SGCZ: variants seen among roughly 807,000 people sequenced by gnomAD.
SGCZ encodes the protein sarcoglycan zeta.
Under a neutral mutation model 41.3 loss-of-function variants are expected in SGCZ, and 40 were observed. The observed-to-expected ratio is 0.97, with a 90% CI of 0.75 to 1.26. The LOEUF (loss-of-function observed/expected upper bound fraction) is 1.26. Ranked by LOEUF, SGCZ falls within the 50% of genes most tolerant of loss-of-function variation. The pLI is 0.00. For missense variants in SGCZ, 552 were observed against 369.8 expected, an observed-to-expected ratio of 1.49 and a Z score of -4.04; for synonymous variants, 206 against 137.5, an observed-to-expected ratio of 1.50 and a Z score of -3.49.
At chr8:14,344,846 T>A (rs1407295214) in intron 2 of SGCZ, among the ~76,000 whole-genome samples, 1 of 152,072 alleles carries the variant, frequency 6.6e-6, no homozygotes, top group African/African-American at 2.4e-5. Context: ...CAATTTTTTT[T>A]TAATAATCTC....
chr8:14,506,816 C>T (rs1394489577), intron 2 of SGCZ, among the ~76,000 whole-genome samples: 1 of 152,134 alleles, frequency 6.6e-6, no homozygotes, highest in Non-Finnish European at 1.5e-5. Flanking sequence ...TCCTGTTTGA[C>T]TTCAGGCAGC....
At chr8:14,367,717 A>T (rs1803763757) in intron 2 of SGCZ, among the ~76,000 whole-genome samples, 1 of 152,086 alleles carries the variant, frequency 6.6e-6, no homozygotes, top group Non-Finnish European at 1.5e-5. Flanking sequence ...TCACGGGAAT[A>T]TCAAGGGGAA....
intron 1 of SGCZ, among the ~76,000 whole-genome samples, chr8:14,924,153 T>C (rs959522387): frequency 6.6e-6 from 1 of 152,246 alleles, no homozygotes; most frequent in Non-Finnish European, 1.5e-5. Context: ...CCTTTAGTCT[T>C]TAAGAAAACC....
At chr8:14,322,986 G>T (rs1454752166) in intron 3 of SGCZ, among the ~76,000 whole-genome samples, 1 of 151,938 alleles carries the variant, frequency 6.6e-6, no homozygotes, top group Non-Finnish European at 1.5e-5. Flanking sequence ...ATTATGTAAG[G>T]TCAGGTATTC....
At chr8:14,130,005 A>G (rs73522441) in intron 5 of SGCZ, among the ~76,000 whole-genome samples, 4,187 of 152,310 alleles carry the variant, frequency 0.027, 215 homozygotes, top group African/African-American at 0.097. Flanking sequence ...GTTCATATGA[A>G]ATGATTATCA....
intron 1 of SGCZ, among the ~76,000 whole-genome samples, chr8:14,557,858 A>G (rs189640655): frequency 6.6e-6 from 1 of 152,302 alleles, no homozygotes; most frequent in African/African-American, 2.4e-5. Context: ...CAAAAATACA[A>G]CAGATAAATG....
chr8:14,840,902 T>A (rs188398716), intron 1 of SGCZ, among the ~76,000 whole-genome samples: 35 of 152,198 alleles, frequency 2.3e-4, no homozygotes, highest in African/African-American at 7.9e-4. Flanking sequence ...CCCATAATAA[T>A]ATTTATTTTA....
intron 1 of SGCZ, among the ~76,000 whole-genome samples, chr8:14,657,699 T>C (rs1807621337): frequency 6.6e-6 from 1 of 151,508 alleles, no homozygotes; most frequent in Non-Finnish European, 1.5e-5. Context: ...TGTCTCTCTG[T>C]TGTCAACACA....
At chr8:14,753,945 T>G (rs1418328130) in intron 1 of SGCZ, among the ~76,000 whole-genome samples, 2 of 152,190 alleles carry the variant, frequency 1.3e-5, no homozygotes, top group East Asian at 3.9e-4. Context: ...AGCTCTAACA[T>G]TCTGCTTTAG....
At chr8:15,224,084 G>A (rs555309148) in intron 1 of SGCZ, among the ~76,000 whole-genome samples, 2 of 152,194 alleles carry the variant, frequency 1.3e-5, no homozygotes, top group Non-Finnish European at 1.5e-5. Context: ...TCAAACTCCC[G>A]ACCTCAAGTG....
chr8:14,169,386 A>G (rs1239712481), intron 4 of SGCZ, among the ~76,000 whole-genome samples: 1 of 152,100 alleles, frequency 6.6e-6, no homozygotes. Flanking sequence ...TAGTCTCCTT[A>G]AAGCCAACTC....
intron 1 of SGCZ, among the ~76,000 whole-genome samples, chr8:15,208,047 T>G (rs2117151740): frequency 6.6e-6 from 1 of 152,346 alleles, no homozygotes; most frequent in East Asian, 1.9e-4. Context: ...CTCTGATAGT[T>G]TTATGTGTCT....
chr8:14,811,673 A>G (rs1239844196), intron 1 of SGCZ, among the ~76,000 whole-genome samples: 1 of 151,676 alleles, frequency 6.6e-6, no homozygotes, highest in African/African-American at 2.4e-5. Flanking sequence ...AAAAGAGTAC[A>G]TTGTCTCCTC....
At chr8:15,201,120 G>A (rs1044174834) in intron 1 of SGCZ, among the ~76,000 whole-genome samples, 5 of 152,226 alleles carry the variant, frequency 3.3e-5, no homozygotes, top group Non-Finnish European at 7.4e-5. Context: ...AGGTTCAGGC[G>A]ATTCTCCCAC....
intron 1 of SGCZ, among the ~76,000 whole-genome samples, chr8:14,618,109 C>T (rs1003158866): frequency 6.6e-6 from 1 of 151,966 alleles, no homozygotes; most frequent in African/African-American, 2.4e-5. Flanking sequence ...TGGAGCAAAA[C>T]TATGTGCCAT....
intron 1 of SGCZ, among the ~76,000 whole-genome samples, chr8:15,010,871 C>T (rs148148800): frequency 6.6e-5 from 10 of 152,300 alleles, no homozygotes; most frequent in African/African-American, 2.4e-4. Context: ...CAATAATTTG[C>T]ACAGATGCTG....
At chr8:15,006,856 G>A (rs866018545) in intron 1 of SGCZ, among the ~76,000 whole-genome samples, 2 of 152,302 alleles carry the variant, frequency 1.3e-5, no homozygotes, top group Middle Eastern at 3.4e-3. Context: ...GATTTTAAAT[G>A]TGCCTCTTTA....
chr8:14,460,584 A>T (rs1281658010), intron 2 of SGCZ, among the ~76,000 whole-genome samples: 1 of 152,164 alleles, frequency 6.6e-6, no homozygotes, highest in Non-Finnish European at 1.5e-5. Context: ...AGATGTGCAT[A>T]ATAACAAGAA....
intron 1 of SGCZ, among the ~76,000 whole-genome samples, chr8:15,202,687 T>C (rs532299140): frequency 6.6e-6 from 1 of 152,324 alleles, no homozygotes; most frequent in South Asian, 2.1e-4. Flanking sequence ...ATAAATTTTC[T>C]GAAGTAGCTT....
Sources: gnomAD v4.1 joint callset for allele counts (sites outside exome capture counted in the v4.1 genomes callset) on GRCh38, gnomAD v4.1.1 for gene constraint, MANE v1.5 for transcripts, NCBI Gene and HGNC (gene_info 2026-07-23, HGNC 2026-07-21) for gene names.